RTL4: variants seen among roughly 807,000 people sequenced by gnomAD.
RTL4 encodes the protein retrotransposon Gag like 4, also known as retrotransposon Gag-like protein 4.
In RTL4, 4 loss-of-function variants were observed where a neutral mutation model predicts 5.3. The ratio of observed to expected loss-of-function variants is 0.75; its 90% CI spans 0.37 to 1.72. The LOEUF (loss-of-function observed/expected upper bound fraction) is 1.72, where lower values mean the gene tolerates loss of function less well. Among genes scored for constraint, RTL4 ranks in the 40% most tolerant of loss-of-function variants. The probability of loss-of-function intolerance (pLI) is 0.04; values close to 1 mark genes in which losing one functional copy is unlikely to be tolerated. For synonymous variants in RTL4, 98 were observed against 87.3 expected, an observed-to-expected ratio of 1.12 and a Z score of -0.68; for missense variants, 260 against 227.1, an observed-to-expected ratio of 1.14 and a Z score of -0.93.
At chrX:112,119,903 T>C in the RTL4 span, among the ~76,000 whole-genome samples, 1 of 112,338 alleles carries the variant, frequency 8.9e-6, no homozygotes, top group Non-Finnish European at 1.9e-5. Flanking sequence ...CTGTTAATCA[T>C]TAAAATGTTT....
At chrX:112,144,802 CA>C in the RTL4 span, among the ~76,000 whole-genome samples, 1 of 111,573 alleles carries the variant, frequency 9.0e-6, no homozygotes, top group East Asian at 2.8e-4. Context: ...AGCTGAATAA[CA>C]AATGGAAAAG....
the RTL4 span, among the ~76,000 whole-genome samples, chrX:112,282,770 A>G: frequency 9.0e-6 from 1 of 111,256 alleles, no homozygotes; most frequent in Admixed American, 9.6e-5. Flanking sequence ...TGTTTTCTCA[A>G]TTTATTTTTT....
the RTL4 span, among the ~76,000 whole-genome samples, chrX:112,369,587 A>G: frequency 8.9e-6 from 1 of 111,921 alleles, no homozygotes; most frequent in Non-Finnish European, 1.9e-5. Flanking sequence ...AGAATTGGGG[A>G]AAAAGGAACC....
the RTL4 span, among the ~76,000 whole-genome samples, chrX:112,396,860 A>G: frequency 5.4e-5 from 6 of 111,320 alleles, no homozygotes; most frequent in Non-Finnish European, 1.1e-4. Flanking sequence ...TGGCCTTGAC[A>G]GTGTTGAGGA....
chrX:112,120,660 GA>G, the RTL4 span, among the ~76,000 whole-genome samples: 2 of 100,028 alleles, frequency 2.0e-5, no homozygotes, highest in African/African-American at 3.8e-5. Flanking sequence ...CATTTTTCTA[GA>G]AAAAAAAACA....
the RTL4 span, among the ~76,000 whole-genome samples, chrX:112,379,565 A>G: frequency 8.9e-6 from 1 of 112,119 alleles, no homozygotes; most frequent in Non-Finnish European, 1.9e-5. Flanking sequence ...TAGAGGGGGT[A>G]ATAGCAAACC....
the RTL4 span, among the ~76,000 whole-genome samples, chrX:112,229,915 C>G: frequency 1.8e-5 from 2 of 111,941 alleles, no homozygotes; most frequent in Non-Finnish European, 3.8e-5. Flanking sequence ...AGTACCCGGC[C>G]GTGTGAGGTG....
chrX:112,144,779 A>G, the RTL4 span, among the ~76,000 whole-genome samples: 1 of 111,540 alleles, frequency 9.0e-6, no homozygotes, highest in East Asian at 2.8e-4. Context: ...GTTCCTCCAC[A>G]TATCTCCCAT....
chrX:112,325,967 C>A, the RTL4 span, among the ~76,000 whole-genome samples: 2 of 111,898 alleles, frequency 1.8e-5, no homozygotes, highest in East Asian at 5.6e-4. Flanking sequence ...AAAAACAACC[C>A]CATCAACAAG....
the RTL4 span, among the ~76,000 whole-genome samples, chrX:112,240,824 C>G: frequency 9.0e-6 from 1 of 110,555 alleles, no homozygotes; most frequent in Non-Finnish European, 1.9e-5. Context: ...ATCCCTCCCC[C>G]CACCGCACGA....
chrX:112,141,496 A>C, the RTL4 span, among the ~76,000 whole-genome samples: 2 of 111,926 alleles, frequency 1.8e-5, no homozygotes, highest in Admixed American at 1.9e-4. Flanking sequence ...TTTCACTATT[A>C]AGTATGATGG....
the RTL4 span, among the ~76,000 whole-genome samples, chrX:112,304,509 T>C: frequency 2.7e-5 from 3 of 110,769 alleles, no homozygotes. Flanking sequence ...GCAAGCCCCC[T>C]GGTCAAAGAA....
chrX:112,110,723 C>T, the RTL4 span, among the ~76,000 whole-genome samples: 1 of 112,080 alleles, frequency 8.9e-6, no homozygotes, highest in Non-Finnish European at 1.9e-5. Flanking sequence ...TGAGTGCTAA[C>T]AGCTCTCACG....
chrX:112,091,467 A>C, the RTL4 span, among the ~76,000 whole-genome samples: 24 of 111,387 alleles, frequency 2.2e-4, no homozygotes, highest in Admixed American at 2.2e-3. Context: ...AGTGTTTTTA[A>C]ATTTTTCTTG....
At chrX:112,348,086 A>C in the RTL4 span, among the ~76,000 whole-genome samples, 1 of 111,506 alleles carries the variant, frequency 9.0e-6, no homozygotes, top group Non-Finnish European at 1.9e-5. Flanking sequence ...TTCTAAGTCG[A>C]ATCTTACAGA....
chrX:112,302,162 G>A, the RTL4 span, among the ~76,000 whole-genome samples: 1 of 107,964 alleles, frequency 9.3e-6, no homozygotes. Context: ...TTGGGAGGAT[G>A]AGGCAGGAGA....
the RTL4 span, among the ~76,000 whole-genome samples, chrX:112,342,712 T>G: frequency 9.0e-6 from 1 of 111,258 alleles, no homozygotes; most frequent in African/African-American, 3.3e-5. Flanking sequence ...ATCAAACAAA[T>G]TCAAAACAAA....
chrX:112,146,979 C>G, the RTL4 span, among the ~76,000 whole-genome samples: 1 of 104,622 alleles, frequency 9.6e-6, no homozygotes, highest in African/African-American at 3.5e-5. Context: ...ATGAATCCTC[C>G]CAACAACCAG....
the RTL4 span, among the ~76,000 whole-genome samples, chrX:112,152,200 AG>A: frequency 1.8e-5 from 2 of 111,885 alleles, no homozygotes; most frequent in Non-Finnish European, 3.8e-5. Context: ...TACGATCTTC[AG>A]GGCTGTAAAT....
Sources: gnomAD v4.1 joint callset for allele counts (sites outside exome capture counted in the v4.1 genomes callset) on GRCh38, gnomAD v4.1.1 for gene constraint, MANE v1.5 for transcripts, NCBI Gene and HGNC (gene_info 2026-07-23, HGNC 2026-07-21) for gene names.